SPATA6: variants seen among roughly 807,000 people sequenced by gnomAD.
SPATA6 encodes spermatogenesis associated 6.
A neutral mutation model predicts 65.3 loss-of-function variants in SPATA6; 56 were observed. That is an observed-to-expected ratio of 0.86 (90% CI 0.69 to 1.07). SPATA6 has a LOEUF of 1.07. Ranked by LOEUF, SPATA6 falls within the 50% of genes least tolerant of loss-of-function variation. SPATA6 has a pLI of 0.00. For missense variants in SPATA6, 590 were observed against 594.8 expected (o/e 0.99, Z 0.08); for synonymous variants, 199 against 213.2 (o/e 0.93, Z 0.58).
At chr1:48,366,762 AT>A (rs1165020606) in intron 9 of SPATA6, among the ~76,000 whole-genome samples, 1 of 151,908 alleles carries the variant, frequency 6.6e-6, no homozygotes, top group Non-Finnish European at 1.5e-5. Flanking sequence ...GGATTCATTG[AT>A]TTTTTGAAGG....
At chr1:48,341,059 G>GAAAAC (rs1257911398) in intron 11 of SPATA6, among the ~76,000 whole-genome samples, 1 of 152,112 alleles carries the variant, frequency 6.6e-6, no homozygotes, top group African/African-American at 2.4e-5. Context: ...CTAGTATTGG[G>GAAAAC]AAAACAAAAC....
chr1:48,341,373 T>C (rs1285906117), intron 11 of SPATA6, among the ~76,000 whole-genome samples: 1 of 152,122 alleles, frequency 6.6e-6, no homozygotes, highest in African/African-American at 2.4e-5. Context: ...AGTAGCATGA[T>C]AAAATCTTAT....
chr1:48,427,929 T>C lies in SPATA6; in HGVS notation c.239-14778A>G, dbSNP rs139955926. Among the ~76,000 whole-genome samples the C allele has an allele frequency of 1.2e-3, 178 of 152,304 alleles. 1 individual carries two copies. The highest frequency in any genetic ancestry group is 4.1e-3 in the African/African-American group (172 of 41,574). ...CCAGTGTTTATTGTTCCCATCTTTG[T>C]GTCCATGTATACCCAGTGTTTAGCT... On this transcript the variant is annotated intron_variant, in intron 3 of 12. Coordinates refer to ENST00000371847, the MANE Select transcript of SPATA6 (RefSeq NM_019073.4).
chr1:48,310,535 A>G (rs1645177329), intron 11 of SPATA6, among the ~76,000 whole-genome samples: 1 of 152,176 alleles, frequency 6.6e-6, no homozygotes, highest in Admixed American at 6.5e-5. Context: ...TGAACTTGTG[A>G]GAGCCCCCTA....
chr1:48,359,994 T>G (rs551557485), intron 9 of SPATA6, among the ~76,000 whole-genome samples: 5 of 152,180 alleles, frequency 3.3e-5, no homozygotes, highest in Non-Finnish European at 7.3e-5. Context: ...TGTCATTATA[T>G]ATAAAATGTA....
chr1:48,406,335 TCA>T (rs1328974228), intron 5 of SPATA6, among the ~76,000 whole-genome samples: 1 of 152,124 alleles, frequency 6.6e-6, no homozygotes, highest in Non-Finnish European at 1.5e-5. Flanking sequence ...CAAAGTAATC[TCA>T]AAGTTATCTC....
intron 3 of SPATA6, among the ~76,000 whole-genome samples, chr1:48,442,221 G>T (rs1052233982): frequency 1.2e-4 from 18 of 152,180 alleles, no homozygotes; most frequent in Middle Eastern, 3.2e-3. Context: ...CCAGTTAGCA[G>T]AACTAGTGGC....
At chr1:48,271,341 C>T in the SPATA6 span, among the ~76,000 whole-genome samples, 1 of 152,078 alleles carries the variant, frequency 6.6e-6, no homozygotes, top group African/African-American at 2.4e-5. Flanking sequence ...TAAGAGTATC[C>T]ATTTGAAAAT....
At chr1:48,351,186 C>G (rs753518053) in intron 11 of SPATA6, among the ~76,000 whole-genome samples, 2 of 151,892 alleles carry the variant, frequency 1.3e-5, no homozygotes, top group East Asian at 1.9e-4. Context: ...AAAAAATTGA[C>G]TTTCCTTCTT....
chr1:48,327,097 G>A (rs1189635874), intron 11 of SPATA6, among the ~76,000 whole-genome samples: 2 of 151,996 alleles, frequency 1.3e-5, no homozygotes. Context: ...TGCAAACTAT[G>A]TCTTTGACAA....
chr1:48,267,173 G>A, the SPATA6 span, among the ~76,000 whole-genome samples: 11 of 151,930 alleles, frequency 7.2e-5, no homozygotes, highest in Admixed American at 3.9e-4. Context: ...TCACTTCTTC[G>A]GTGCCCCTGC....
At chr1:48,320,114 CTCAA>C (rs1645558623) in intron 11 of SPATA6, among the ~76,000 whole-genome samples, 1 of 151,990 alleles carries the variant, frequency 6.6e-6, no homozygotes, top group Non-Finnish European at 1.5e-5. Context: ...ACCACCATTG[CTCAA>C]ATAGTCTCAA....
intron 11 of SPATA6, chr1:48,344,221 G>C (rs1646299210): frequency 6.6e-6 from 1 of 152,090 alleles, no homozygotes; most frequent in Admixed American, 6.6e-5. Flanking sequence ...GCTCACTTTG[G>C]CAGTACATAT....
chr1:48,290,125 A>G, the SPATA6 span, among the ~76,000 whole-genome samples: 4 of 152,250 alleles, frequency 2.6e-5, no homozygotes, highest in Non-Finnish European at 5.9e-5. Flanking sequence ...CACAAAGGGA[A>G]GCCCATCAGA....
intron 11 of SPATA6, among the ~76,000 whole-genome samples, chr1:48,328,113 G>A (rs1645815953): frequency 6.6e-6 from 1 of 152,018 alleles, no homozygotes; most frequent in Non-Finnish European, 1.5e-5. Context: ...TCATTAGTCA[G>A]AAGGGAAATG....
At chr1:48,363,870 A>G (rs1041809278) in intron 9 of SPATA6, among the ~76,000 whole-genome samples, 1 of 151,942 alleles carries the variant, frequency 6.6e-6, no homozygotes, top group African/African-American at 2.4e-5. Context: ...TTACATATGT[A>G]TACATGTGCC....
intron 9 of SPATA6, among the ~76,000 whole-genome samples, chr1:48,380,254 T>G (rs1648406757): frequency 2.0e-5 from 3 of 152,252 alleles, no homozygotes; most frequent in African/African-American, 7.2e-5. Context: ...ATTTATTAAC[T>G]AACTACTATG....
At chr1:48,452,387 C>CT (rs11289564) in intron 2 of SPATA6, among the ~76,000 whole-genome samples, 113 of 142,742 alleles carry the variant, frequency 7.9e-4, no homozygotes, top group Middle Eastern at 3.6e-3. Context: ...ATCATATATT[C>CT]TTTTTTTTTT....
Position 48,312,670 on chromosome 1 carries a change from AC to A in SPATA6, c.1195-6793del, listed in dbSNP as rs374232161. 6.2e-4 allele frequency among the ~76,000 whole-genome samples: 94 copies of A among 152,140 alleles called. 1 individual carries two copies. In the South Asian group the frequency reaches 0.011, roughly 17 times the overall value. The stretch of plus-strand genomic sequence containing the variant: ...CTCCTCCAAAGGAATGCAGCTCCTC[AC>A]CAGCAACGGAACAAAGTGGGATGGA... On this transcript the variant is annotated intron_variant, in intron 11 of 12. Transcript: ENST00000371847.
Sources: gnomAD v4.1 joint callset for allele counts (sites outside exome capture counted in the v4.1 genomes callset) on GRCh38, gnomAD v4.1.1 for gene constraint, MANE v1.5 for transcripts, NCBI Gene and HGNC (gene_info 2026-07-23, HGNC 2026-07-21) for gene names.